The following TNFRSF11A variants were observed in gnomAD, a reference collection of about 807,000 sequenced individuals.
The protein encoded by TNFRSF11A is tumor necrosis factor receptor superfamily member 11A.
Under a neutral mutation model 55.7 loss-of-function variants are expected in TNFRSF11A, and 32 were observed. That is an observed-to-expected ratio of 0.57 (90% CI 0.43 to 0.77). The LOEUF (loss-of-function observed/expected upper bound fraction) is 0.77, where lower values mean the gene tolerates loss of function less well. Ranked by LOEUF, TNFRSF11A falls within the 30% of genes least tolerant of loss-of-function variation. The pLI is 0.00. For synonymous variants in TNFRSF11A, 311 were observed against 331.0 expected, an observed-to-expected ratio of 0.94 and a Z score of 0.65; for missense variants, 753 against 809.8, an observed-to-expected ratio of 0.93 and a Z score of 0.85.
At chr18:62,331,923 A>G (rs958361848) in intron 1 of TNFRSF11A, among the ~76,000 whole-genome samples, 1 of 152,218 alleles carries the variant, frequency 6.6e-6, no homozygotes, top group Non-Finnish European at 1.5e-5. Flanking sequence ...CAGCAAAGGG[A>G]CAGAGCTGCC....
intron 9 of TNFRSF11A, among the ~76,000 whole-genome samples, chr18:62,379,438 T>C (rs1181532303): frequency 2.0e-5 from 3 of 152,338 alleles, no homozygotes; most frequent in Non-Finnish European, 4.4e-5. Flanking sequence ...TTCAAAACAT[T>C]AACTATTACG....
intron 9 of TNFRSF11A, among the ~76,000 whole-genome samples, chr18:62,378,717 T>C (rs1250577429): frequency 6.6e-6 from 1 of 152,244 alleles, no homozygotes; most frequent in Non-Finnish European, 1.5e-5. Context: ...GTATTATTAA[T>C]ATTTGCTTGC....
intron 1 of TNFRSF11A, among the ~76,000 whole-genome samples, chr18:62,333,079 C>T (rs1322451697): frequency 6.6e-6 from 1 of 152,122 alleles, no homozygotes; most frequent in Non-Finnish European, 1.5e-5. Flanking sequence ...TGGTGACAGG[C>T]ATGAGAAAAT....
In TNFRSF11A at chr18:62,385,002, C is replaced by T. The variant is rs1180915322; in HGVS notation, c.1819C>T (p.Pro607Ser). ...GCGGGAGCCGGAGAAGGCCTCGAGG[C>T]CGGTGCAGGAGCAAGGCGGGGCCAA... ...GLREPEKASR[P>S]VQEQGGAKA Residue 607 changes from proline to serine, a missense_variant, in exon 10 of 10, where the codon CCG becomes TCG. By Grantham distance (74) the Pro-to-Ser change is moderately conservative (BLOSUM62 -1). Around this residue, in one of 3 missense-constraint regions of TNFRSF11A, gnomAD observed 567 missense variants for 596.7 expected, o/e 0.95. Coordinates refer to ENST00000586569, the MANE Select transcript of TNFRSF11A (RefSeq NM_003839.4). 6.8e-7 allele frequency: 1 copy of T among 1,478,814 alleles called. No individual in the cohort carries two copies. Among genetic ancestry groups the T allele is most frequent in the Non-Finnish European group, 8.9e-7 (1 of 1,124,744 alleles). The allele number at this position is 1,478,814 out of a possible 1,614,324, so 91.6% of individuals were successfully genotyped here. A position where few individuals can be genotyped will look rare whatever the true frequency, so the allele number is the denominator to read the frequency against.
Position 62,325,770 on chromosome 18 carries a change from C to T in TNFRSF11A, c.75+343C>T, listed in dbSNP as rs1415382358. Among the ~76,000 whole-genome samples, 1 of 152,222 alleles carries T rather than the reference C, an allele frequency of 6.6e-6. No homozygotes were observed. The highest frequency in any genetic ancestry group is 1.5e-5 in the Non-Finnish European group (1 of 68,034). On this transcript the variant is annotated intron_variant, in intron 1 of 9. Coordinates refer to ENST00000586569, the MANE Select transcript of TNFRSF11A (RefSeq NM_003839.4). This position sits in a 1 kb window ranked among gnomAD's most constrained non-coding sequence, Gnocchi z 4.7. Reference sequence around the variant, plus strand: ...ACTAAGCGCTTGCGCCGGGCGGTGCCGCGGGAGACAGCGCCGTGGGCACCT... The same window carrying T: ...ACTAAGCGCTTGCGCCGGGCGGTGCTGCGGGAGACAGCGCCGTGGGCACCT...
intron 1 of TNFRSF11A, among the ~76,000 whole-genome samples, chr18:62,338,053 G>A (rs1230086572): frequency 2.0e-5 from 3 of 152,170 alleles, no homozygotes; most frequent in Non-Finnish European, 4.4e-5. Context: ...ATAAGCACAA[G>A]AAAAGATGCT....
chr18:62,384,661 G>T, intron 9 of TNFRSF11A, 90 bp from the exon 10 acceptor site: 2 of 1,500,880 alleles, frequency 1.3e-6, no homozygotes, highest in Non-Finnish European at 1.8e-6. Flanking sequence ...CCGGGGAGCC[G>T]CCCTCCACTC....
intron 3 of TNFRSF11A, 136 bp downstream of exon 3, chr18:62,350,073 G>A (rs2145295652): frequency 8.3e-7 from 1 of 1,209,762 alleles, no homozygotes; most frequent in South Asian, 1.4e-5. Context: ...CACATCCCAA[G>A]AAAGATGCGT....
chr18:62,347,569 A>G (rs2145286532), intron 1 of TNFRSF11A, among the ~76,000 whole-genome samples: 1 of 152,296 alleles, frequency 6.6e-6, no homozygotes, highest in Non-Finnish European at 1.5e-5. Flanking sequence ...AAGCCCCTAC[A>G]ACACCTTGCT....
chr18:62,354,657 G>A, intron 4 of TNFRSF11A, 123 bp downstream of exon 4: 2 of 1,432,034 alleles, frequency 1.4e-6, no homozygotes, highest in Non-Finnish European at 9.5e-7. Flanking sequence ...GGAACCTGAG[G>A]GATGGGGAAA....
At chr18:62,335,966 GGGA>G (rs1164603727) in intron 1 of TNFRSF11A, among the ~76,000 whole-genome samples, 5 of 152,102 alleles carry the variant, frequency 3.3e-5, no homozygotes, top group African/African-American at 1.2e-4. Context: ...AATCTCTCTT[GGGA>G]GGATGCAGGA....
intron 1 of TNFRSF11A, among the ~76,000 whole-genome samples, chr18:62,342,409 A>AAAAAAAAAAAAAAAAAAAC (rs2046326556): frequency 6.7e-6 from 1 of 150,036 alleles, no homozygotes; most frequent in Non-Finnish European, 1.5e-5. Flanking sequence ...CTCAAAAAAA[A>AAAAAAAAAAAAAAAAAAAC]AAAAAAAAAA....
At chr18:62,372,060 T>C (rs1311013844) in intron 9 of TNFRSF11A, among the ~76,000 whole-genome samples, 1 of 152,126 alleles carries the variant, frequency 6.6e-6, no homozygotes, top group East Asian at 1.9e-4. Context: ...CCCAGCATCT[T>C]TGTGAGGAGA....
At chr18:62,376,489 T>G (rs1380071059) in intron 9 of TNFRSF11A, among the ~76,000 whole-genome samples, 1 of 152,118 alleles carries the variant, frequency 6.6e-6, no homozygotes, top group African/African-American at 2.4e-5. Flanking sequence ...CAGTTTTAGC[T>G]TCATAGGAAA....
intron 1 of TNFRSF11A, among the ~76,000 whole-genome samples, chr18:62,342,424 A>AAAAAAAAAAAAAAAAAAAC (rs1491017571): frequency 6.8e-6 from 1 of 146,786 alleles, no homozygotes; most frequent in Non-Finnish European, 1.5e-5. Context: ...AAAAAAAAAA[A>AAAAAAAAAAAAAAAAAAAC]ATCCTATATT....
chr18:62,377,410 T>C (rs1288761322), intron 9 of TNFRSF11A, among the ~76,000 whole-genome samples: 1 of 152,152 alleles, frequency 6.6e-6, no homozygotes, highest in Non-Finnish European at 1.5e-5. Flanking sequence ...TACCAAAGAG[T>C]ATGATTGCTG....
intron 9 of TNFRSF11A, among the ~76,000 whole-genome samples, chr18:62,382,458 G>A (rs1568498036): frequency 6.6e-6 from 1 of 152,082 alleles, no homozygotes; most frequent in South Asian, 2.1e-4. Context: ...TTCCAGTTTC[G>A]ATTTCTTCAA....
At chr18:62,381,092 C>T (rs1003642513) in intron 9 of TNFRSF11A, among the ~76,000 whole-genome samples, 1 of 152,194 alleles carries the variant, frequency 6.6e-6, no homozygotes, top group Non-Finnish European at 1.5e-5. Context: ...GTGTCAGCCA[C>T]CGCGCTTAGT....
chr18:62,357,124 G>A (rs1265471666), intron 4 of TNFRSF11A, among the ~76,000 whole-genome samples: 1 of 152,176 alleles, frequency 6.6e-6, no homozygotes, highest in Non-Finnish European at 1.5e-5. Context: ...CAGCCAAATT[G>A]CAGAAATCAA....
Sources: allele counts gnomAD v4.1 joint callset (sites outside exome capture counted in the v4.1 genomes callset), GRCh38; gene constraint gnomAD v4.1.1; regional missense constraint gnomAD v4.1.1; non-coding constraint Gnocchi (gnomAD v3.1); transcripts MANE v1.5; gene names NCBI Gene and HGNC (gene_info 2026-07-23, HGNC 2026-07-21).